The following GNPDA1 variants were observed in gnomAD, a reference collection of about 807,000 sequenced individuals.
GNPDA1 encodes the protein GNPDA 1.
A neutral mutation model predicts 28.5 loss-of-function variants in GNPDA1; 24 were observed. The observed-to-expected ratio is 0.84, with a 90% confidence interval of 0.61 to 1.19. GNPDA1 has a LOEUF of 1.19. GNPDA1 is among the 50% of genes most tolerant of loss of function. The pLI is 0.00. For synonymous variants in GNPDA1, 147 were observed against 139.3 expected, an observed-to-expected ratio of 1.06 and a Z score of -0.39; for missense variants, 264 against 367.3, an observed-to-expected ratio of 0.72 and a Z score of 2.30.
chr5:142,008,767 A>G (rs542493455), intron 2 of GNPDA1, among the ~76,000 whole-genome samples: 19 of 152,290 alleles, frequency 1.2e-4, no homozygotes, highest in South Asian at 2.1e-4. Context: ...CACACACACA[A>G]TAAAAGGTAG....
chr5:142,005,118 T>C lies in GNPDA1; in HGVS notation c.410-2A>G. 1 of 1,584,382 alleles carries C rather than the reference T, an allele frequency of 6.3e-7. No individual in the cohort carries two copies. ...CAATGTGTCCATCAGGGCCGATGCCTATAGGGAGAGAGCCCGTGCAGCCCT... is the reference window on the plus strand; with the variant it reads ...CAATGTGTCCATCAGGGCCGATGCCCATAGGGAGAGAGCCCGTGCAGCCCT... On this transcript the variant is annotated splice_acceptor_variant, in intron 4 of 6. Transcript: ENST00000311337. LOFTEE classifies it high-confidence loss of function.
Position 142,003,212 on chromosome 5 carries a change from G to C in GNPDA1, c.645C>G (p.Ala215=). 1.9e-6 allele frequency: 3 copies of C among 1,613,678 alleles called. No homozygotes were observed. The highest frequency in any genetic ancestry group is 2.5e-6 in the Non-Finnish European group (3 of 1,179,604). The change falls in exon 6 of 7, where the codon GCC becomes GCG. Residue 215 remains alanine (A), a synonymous_variant. Transcript: ENST00000311337. The surrounding 1 kb of genome is among the most constrained non-coding windows in gnomAD (Gnocchi z 4.0). ...ACATGTGGTTCACTCCCTCCTCGAT[G>C]GCCTTGTACAGAGCAAATGCCTTGT... The part of the protein sequence containing the change: ...GAHKAFALYK[A]IEEGVNHMWT...
chr5:142,006,240 G>A lies in GNPDA1; in HGVS notation c.313C>T (p.His105Tyr). 7 of 1,613,358 alleles carry A rather than the reference G, an allele frequency of 4.3e-6. No individual in the cohort carries two copies. Among genetic ancestry groups the A allele is most frequent in the Non-Finnish European group, 5.9e-6 (7 of 1,179,252 alleles). The change falls in exon 4 of 7, where the codon CAC becomes TAC. Residue 105 changes from histidine to tyrosine, a missense_variant. By Grantham distance (83) the His-to-Tyr change is moderately conservative. Transcript: ENST00000311337. ...TCGACTGCATTCCCATCCAGAATGT[G>A]GGTGTTTTCTGGGTGGATGTCAATG... ...KHIDIHPENT[H>Y]ILDGNAVDLQ...
intron 2 of GNPDA1, among the ~76,000 whole-genome samples, chr5:142,008,854 TATAAAAG>T (rs924939133): frequency 1.3e-5 from 2 of 152,172 alleles, no homozygotes; most frequent in African/African-American, 2.4e-5. Context: ...AAAACCAACC[TATAAAAG>T]ATAAATGTGG....
chr5:142,006,122 T>C (rs1390041027), intron 4 of GNPDA1, 22 bp downstream of exon 4: 3 of 1,598,538 alleles, frequency 1.9e-6, no homozygotes, highest in East Asian at 2.2e-5. Context: ...TGGACATGTG[T>C]GCTGCAGAGT....
At position 142,006,244 on chromosome 5, in the gene GNPDA1, G is replaced by A. The variant is rs139881303; in HGVS notation, c.309C>T (p.Asn103=). ...FFKHIDIHPE[N]THILDGNAVD... ...CTGCATTCCCATCCAGAATGTGGGT[G>A]TTTTCTGGGTGGATGTCAATGTGCT... is the stretch of plus-strand genomic sequence containing the variant. Residue 103 remains asparagine (N), a synonymous_variant, in exon 4 of 7, where the codon AAC becomes AAT. Transcript: ENST00000311337. 3 of 1,613,434 alleles carry A rather than the reference G, an allele frequency of 1.9e-6. No individual in the cohort carries two copies. Among genetic ancestry groups the A allele is most frequent in the Non-Finnish European group, 2.5e-6 (3 of 1,179,404 alleles).
Position 142,003,282 on chromosome 5 carries a change from T to C in GNPDA1, c.595-20A>G, listed in dbSNP as rs771639397. The C allele has an allele frequency of 5.7e-6, 9 of 1,576,350 alleles. No individual in the cohort carries two copies. Among genetic ancestry groups the C allele is most frequent in the Non-Finnish European group, 7.8e-6 (9 of 1,149,552 alleles). On this transcript the variant is annotated intron_variant, in intron 5 of 6. Transcript: ENST00000311337. The surrounding 1 kb of genome is among the most constrained non-coding windows in gnomAD (Gnocchi z 4.0). ...CATCACCTGGGGATCAGAAAACAAGTCTGTGATGGAGGGGAGCATTCCAGA... is the reference window on the plus strand; with the variant it reads ...CATCACCTGGGGATCAGAAAACAAGCCTGTGATGGAGGGGAGCATTCCAGA...
chr5:142,003,842 T>G lies in GNPDA1; in HGVS notation c.595-580A>C, dbSNP rs1387770575. ...TATATAATAAAACAAAGGCACAGTC[T>G]CCACTTAACAGTTAAAATATCGAGA... On this transcript the variant is annotated intron_variant, in intron 5 of 6. Coordinates refer to ENST00000311337, the MANE Select transcript of GNPDA1 (RefSeq NM_005471.5). This position sits in a 1 kb window ranked among gnomAD's most constrained non-coding sequence, Gnocchi z 4.0. 6.6e-6 allele frequency among the ~76,000 whole-genome samples: 1 copy of G among 152,204 alleles called. No homozygotes were observed. The highest frequency in any genetic ancestry group is 2.4e-5 in the African/African-American group (1 of 41,452).
chr5:142,010,142 GCCAAATTTGGCCTGC>G (rs1755907054), intron 2 of GNPDA1, among the ~76,000 whole-genome samples: 1 of 152,218 alleles, frequency 6.6e-6, no homozygotes, highest in Admixed American at 6.5e-5. Flanking sequence ...TGGTCCACAG[GCCAAATTTGGCCTGC>G]GGCCTTTATT....
At chr5:142,012,105 G>A (rs1755974205) in intron 1 of GNPDA1, 64 bp from the exon 2 acceptor site, 6 of 1,489,530 alleles carry the variant, frequency 4.0e-6, no homozygotes, top group African/African-American at 2.7e-5. Flanking sequence ...AAGAGATGGA[G>A]GTGGTGGGAG....
intron 2 of GNPDA1, among the ~76,000 whole-genome samples, chr5:142,011,546 C>T (rs1269212223): frequency 1.3e-5 from 2 of 152,186 alleles, no homozygotes; most frequent in Non-Finnish European, 2.9e-5. Flanking sequence ...TTAGCTGGTA[C>T]CCCTCTAGAT....
chr5:142,011,870 C>G, intron 2 of GNPDA1, 42 bp downstream of exon 2: 1 of 1,612,096 alleles, frequency 6.2e-7, no homozygotes, highest in Non-Finnish European at 8.5e-7. Context: ...TGCCTACTCT[C>G]TCCACCCTTA....
chr5:142,011,830 G>A (rs1755964069), intron 2 of GNPDA1, 82 bp downstream of exon 2: 2 of 1,524,640 alleles, frequency 1.3e-6, no homozygotes, highest in Non-Finnish European at 1.8e-6. Flanking sequence ...AAGTCCCTTG[G>A]CTGAGTGAGC....
chr5:142,007,936 A>C, intron 2 of GNPDA1, 36 bp from the exon 3 acceptor site: 1 of 1,220,386 alleles, frequency 8.2e-7, no homozygotes, highest in Non-Finnish European at 1.2e-6. Flanking sequence ...CACCCCTTGC[A>C]CCCCAAGTCT....
intron 3 of GNPDA1, 101 bp from the exon 4 acceptor site, chr5:142,006,427 G>GATGGGCAGACCCCT: frequency 1.2e-6 from 1 of 857,764 alleles, no homozygotes; most frequent in Non-Finnish European, 1.8e-6. Flanking sequence ...GACACTCCCA[G>GATGGGCAGACCCCT]GGGTCTGCCC....
In GNPDA1 at chr5:142,003,210, A is replaced by G. The variant is rs138526991; in HGVS notation, c.647T>C (p.Ile216Thr). 185 of 1,613,768 alleles carry G rather than the reference A, an allele frequency of 1.1e-4. No individual in the cohort carries two copies. Among genetic ancestry groups the G allele is most frequent in the Non-Finnish European group, 1.5e-4 (182 of 1,179,776 alleles). ...CCACATGTGGTTCACTCCCTCCTCG[A>G]TGGCCTTGTACAGAGCAAATGCCTT... ...AHKAFALYKA[I>T]EEGVNHMWTV... The change falls in exon 6 of 7, where the codon ATC (isoleucine) becomes ACC (threonine). Residue 216 changes from isoleucine to threonine, a missense_variant. Physicochemically the swap from Ile to Thr is moderately conservative, Grantham distance 89 (BLOSUM62 -1). Transcript: ENST00000311337. The surrounding 1 kb of genome is among the most constrained non-coding windows in gnomAD (Gnocchi z 4.0).
In GNPDA1 at chr5:142,001,171, G is replaced by C. The variant is rs1293519465; in HGVS notation, c.*858C>G. 6.6e-6 allele frequency: 1 copy of C among 152,318 alleles called. No individual in the cohort carries two copies. The highest frequency in any genetic ancestry group is 1.5e-5 in the Non-Finnish European group (1 of 68,044). 9.4% of individuals were successfully genotyped at this position (152,318 alleles called of 1,614,324 possible). ...CACACTTAAGCTGCCTGCCCAGACC[G>C]TCCCCTTGGCTGAACACAACACTGA... On this transcript the variant is annotated 3_prime_UTR_variant, in exon 7 of 7. Transcript: ENST00000311337.
intron 1 of GNPDA1, chr5:142,012,303 G>C: frequency 3.1e-6 from 1 of 327,004 alleles, no homozygotes. Flanking sequence ...GCAGGACCTC[G>C]GTCAAAGGAC....
At chr5:142,008,218 C>T (rs1280093920) in intron 2 of GNPDA1, among the ~76,000 whole-genome samples, 2 of 152,252 alleles carry the variant, frequency 1.3e-5, no homozygotes, top group Non-Finnish European at 2.9e-5. Flanking sequence ...TGACATGATA[C>T]TCCCTGAACA....
Sources: gnomAD v4.1 joint callset for allele counts (sites outside exome capture counted in the v4.1 genomes callset) on GRCh38, gnomAD v4.1.1 for gene constraint, Gnocchi (gnomAD v3.1) non-coding constraint, MANE v1.5 for transcripts, NCBI Gene and HGNC (gene_info 2026-07-23, HGNC 2026-07-21) for gene names.